The following ASIC2 variants were observed in gnomAD, a reference collection of about 807,000 sequenced individuals.
The protein encoded by ASIC2 is acid sensing ion channel subunit 2, also known as acid-sensing ion channel 2.
Under a neutral mutation model 57.3 loss-of-function variants are expected in ASIC2, and 25 were observed. That is an observed-to-expected ratio of 0.44 (90% CI 0.32 to 0.61). The LOEUF (loss-of-function observed/expected upper bound fraction) is 0.61. Among genes scored for constraint, ASIC2 ranks in the 20% least tolerant of loss-of-function variants. ASIC2 has a pLI of 0.06. For synonymous variants in ASIC2, 319 were observed against 307.5 expected (o/e 1.04, Z -0.39); for missense variants, 641 against 738.1 (o/e 0.87, Z 1.52).
At chr17:33,665,167 T>A (rs1346196585) in intron 1 of ASIC2, among the ~76,000 whole-genome samples, 1 of 152,198 alleles carries the variant, frequency 6.6e-6, no homozygotes, top group Non-Finnish European at 1.5e-5. Flanking sequence ...AAGGAGATAC[T>A]GTTTATTTCC....
chr17:34,107,174 C>A (rs776457349), intron 1 of ASIC2, among the ~76,000 whole-genome samples: 5 of 152,086 alleles, frequency 3.3e-5, no homozygotes, highest in Non-Finnish European at 1.5e-5. Context: ...CCTTCTTTCA[C>A]AATGAGAACT....
chr17:33,151,521 G>A (rs781560172), intron 1 of ASIC2, among the ~76,000 whole-genome samples: 4 of 152,230 alleles, frequency 2.6e-5, no homozygotes, highest in Non-Finnish European at 4.4e-5. Context: ...GTACCCAGAA[G>A]TTCATTCGTT....
intron 1 of ASIC2, among the ~76,000 whole-genome samples, chr17:33,877,816 T>C (rs376065029): frequency 3.9e-4 from 60 of 152,278 alleles, no homozygotes; most frequent in African/African-American, 1.3e-3. Context: ...CCTCCTCAAG[T>C]GGGTTCCTGA....
chr17:33,411,545 G>A (rs1350688471), intron 1 of ASIC2, among the ~76,000 whole-genome samples: 1 of 152,184 alleles, frequency 6.6e-6, no homozygotes, highest in Non-Finnish European at 1.5e-5. Flanking sequence ...GGAAGGGAAA[G>A]GAAGGTATTA....
chr17:33,698,270 C>G (rs1186339993), intron 1 of ASIC2, among the ~76,000 whole-genome samples: 1 of 152,068 alleles, frequency 6.6e-6, no homozygotes, highest in East Asian at 1.9e-4. Context: ...CATCCCAGTT[C>G]TACTTCATAT....
In ASIC2 at chr17:33,898,296, C is replaced by T. The variant is rs543998831; in HGVS notation, c.555+257682G>A. Among the ~76,000 whole-genome samples, 171 of 121,800 alleles carry T rather than the reference C, an allele frequency of 1.4e-3. 1 individual carries two copies. The highest frequency in any genetic ancestry group is 5.2e-3 in the African/African-American group (166 of 32,166). 79.9% of individuals were successfully genotyped at this position (121,800 alleles called of 152,430 possible). ...TGTCACCCAGGCTGGAGTGCAGTGG[C>T]GGGATCTTGGCTCACTGCAACCTCC... On this transcript the variant is annotated intron_variant, in intron 1 of 9. Coordinates refer to the ASIC2 transcript ENST00000359872.
At chr17:33,180,594 C>A (rs2142058299) in intron 1 of ASIC2, among the ~76,000 whole-genome samples, 1 of 152,292 alleles carries the variant, frequency 6.6e-6, no homozygotes, top group African/African-American at 2.4e-5. Context: ...CATCCCCCAA[C>A]TGCTGGGAGT....
chr17:33,803,837 G>A (rs1458161779), intron 1 of ASIC2, among the ~76,000 whole-genome samples: 3 of 151,770 alleles, frequency 2.0e-5, no homozygotes, highest in Non-Finnish European at 4.4e-5. Flanking sequence ...TTTTTATGTG[G>A]CAAACCATCT....
chr17:33,116,685 T>G (rs1481978504), intron 1 of ASIC2, among the ~76,000 whole-genome samples: 2 of 152,178 alleles, frequency 1.3e-5, no homozygotes, highest in Non-Finnish European at 2.9e-5. Flanking sequence ...CAACTATCAT[T>G]TTCATTCCTA....
At chr17:34,072,171 G>C (rs1286212328) in intron 1 of ASIC2, 1 of 152,386 alleles carries the variant, frequency 6.6e-6, no homozygotes, top group Non-Finnish European at 1.5e-5. Context: ...TGCTGGTGCT[G>C]GGCTGGGGAC....
At chr17:34,122,089 TATTTC>T (rs1911639461) in intron 1 of ASIC2, among the ~76,000 whole-genome samples, 1 of 152,254 alleles carries the variant, frequency 6.6e-6, no homozygotes, top group Admixed American at 6.5e-5. Context: ...ATCTTTTATT[TATTTC>T]ATCTGTTATA....
At position 34,043,722 on chromosome 17, in the gene ASIC2, G is replaced by A. The variant is rs142103855; in HGVS notation, c.555+112256C>T. The stretch of plus-strand genomic sequence containing the variant: ...TGTTCTGTAGATGAGCAGGGTGAGG[G>A]TTATTAGTTTCTTTTCATAGAGGGG... On this transcript the variant is annotated intron_variant, in intron 1 of 9. Coordinates refer to the ASIC2 transcript ENST00000359872. 9.4e-4 allele frequency among the ~76,000 whole-genome samples: 143 copies of A among 152,266 alleles called. 1 individual carries two copies. The highest frequency in any genetic ancestry group is 3.7e-3 in the South Asian group (18 of 4,812).
chr17:33,629,217 T>G (rs1168983253), intron 1 of ASIC2, among the ~76,000 whole-genome samples: 3 of 152,040 alleles, frequency 2.0e-5, no homozygotes. Context: ...CCCCGTGGCT[T>G]CTTCCCTGCT....
intron 1 of ASIC2, among the ~76,000 whole-genome samples, chr17:33,763,143 A>G (rs1373472572): frequency 6.6e-6 from 1 of 152,192 alleles, no homozygotes; most frequent in Non-Finnish European, 1.5e-5. Context: ...GTGAACCATG[A>G]GGAGCTCTCA....
chr17:33,182,978 G>T (rs1567776244), intron 1 of ASIC2, among the ~76,000 whole-genome samples: 1 of 152,136 alleles, frequency 6.6e-6, no homozygotes, highest in Non-Finnish European at 1.5e-5. Context: ...TACTTCTTTG[G>T]TTCATTTATT....
At chr17:33,659,891 TA>T (rs1907199426) in intron 1 of ASIC2, among the ~76,000 whole-genome samples, 1 of 143,690 alleles carries the variant, frequency 7.0e-6, no homozygotes, top group Non-Finnish European at 1.5e-5. Context: ...AATAAATAAA[TA>T]AATAAATAAA....
At chr17:33,267,917 C>G (rs145519972) in intron 1 of ASIC2, among the ~76,000 whole-genome samples, 1 of 152,302 alleles carries the variant, frequency 6.6e-6, no homozygotes, top group East Asian at 1.9e-4. Flanking sequence ...TTCTGAGCAC[C>G]TAGCAGCTAT....
intron 1 of ASIC2, chr17:34,038,918 T>C: frequency 6.2e-7 from 1 of 1,612,812 alleles, no homozygotes; most frequent in South Asian, 1.1e-5. Context: ...GATAAGATTC[T>C]GAAAAGCATA....
chr17:33,779,062 C>T (rs1488094108), intron 1 of ASIC2, among the ~76,000 whole-genome samples: 1 of 152,080 alleles, frequency 6.6e-6, no homozygotes, highest in Admixed American at 6.6e-5. Context: ...TTCATTGAGT[C>T]AAATATGTCA....
Sources: allele counts gnomAD v4.1 joint callset (sites outside exome capture counted in the v4.1 genomes callset), GRCh38; gene constraint gnomAD v4.1.1; transcripts MANE v1.5; gene names NCBI Gene and HGNC (gene_info 2026-07-23, HGNC 2026-07-21).